AGBL1: variants seen among roughly 807,000 people sequenced by gnomAD.
The protein encoded by AGBL1 is AGBL carboxypeptidase 1.
Under a neutral mutation model 118.9 loss-of-function variants are expected in AGBL1, and 130 were observed. The observed-to-expected ratio is 1.09, with a 90% CI of 0.95 to 1.26. The LOEUF is 1.26. AGBL1 is among the 50% of genes most tolerant of loss of function. The probability of loss-of-function intolerance (pLI) is 0.00; values close to 1 mark genes in which losing one functional copy is unlikely to be tolerated. For missense variants in AGBL1, 1,584 were observed against 1,298.1 expected (o/e 1.22, Z -3.38); for synonymous variants, 555 against 478.9 (o/e 1.16, Z -2.08).
chr15:86,839,946 T>C (rs1217998551), intron 22 of AGBL1, among the ~76,000 whole-genome samples: 1 of 152,230 alleles, frequency 6.6e-6, no homozygotes, highest in South Asian at 2.1e-4. Context: ...TTTATGCATA[T>C]CTACCTTTCC....
At chr15:86,360,147 C>T (rs1052482657) in intron 17 of AGBL1, among the ~76,000 whole-genome samples, 2 of 151,778 alleles carry the variant, frequency 1.3e-5, no homozygotes, top group African/African-American at 4.8e-5. Context: ...TTTGGCTTTC[C>T]CTATTGATTA....
intron 22 of AGBL1, among the ~76,000 whole-genome samples, chr15:86,850,582 C>T (rs946719404): frequency 1.3e-5 from 2 of 152,158 alleles, no homozygotes; most frequent in Admixed American, 6.5e-5. Flanking sequence ...TTCCTCCCAC[C>T]CTCATTTCCT....
chr15:86,239,401 G>A lies in AGBL1; in HGVS notation c.527-8270G>A, dbSNP rs139011453. On this transcript the variant is annotated intron_variant, in intron 6 of 22. Coordinates refer to ENST00000614907, the MANE Select transcript of AGBL1 (RefSeq NM_001386094.1). ...TCAAGTATAATTTCCATTATGGATGGCATTAGGTTTCCTTATGCTTTTGTA... is the reference window on the plus strand; with the variant it reads ...TCAAGTATAATTTCCATTATGGATGACATTAGGTTTCCTTATGCTTTTGTA... 8.0e-3 allele frequency among the ~76,000 whole-genome samples: 1,217 copies of A among 152,176 alleles called. 11 individuals carry two copies. Among genetic ancestry groups the A allele is most frequent in the Middle Eastern group, 0.014 (4 of 294 alleles).
chr15:87,011,712 T>C (rs1437683092), intron 24 of AGBL1, among the ~76,000 whole-genome samples: 1 of 152,202 alleles, frequency 6.6e-6, no homozygotes, highest in Non-Finnish European at 1.5e-5. Flanking sequence ...GTTTATTTTG[T>C]AGTCAACAAA....
chr15:86,089,946 T>C (rs1056817823), intron 1 of AGBL1, among the ~76,000 whole-genome samples: 2 of 152,190 alleles, frequency 1.3e-5, no homozygotes, highest in East Asian at 1.9e-4. Context: ...GAGGTTAAGA[T>C]GATAATATTT....
chr15:86,965,828 G>T (rs2081046212), intron 23 of AGBL1, among the ~76,000 whole-genome samples: 1 of 152,040 alleles, frequency 6.6e-6, no homozygotes, highest in Non-Finnish European at 1.5e-5. Context: ...CACAGGGAGG[G>T]AACATCACAC....
intron 16 of AGBL1, among the ~76,000 whole-genome samples, chr15:86,285,027 G>A (rs1442939482): frequency 1.3e-5 from 2 of 152,102 alleles, no homozygotes; most frequent in African/African-American, 4.8e-5. Context: ...GTTGGCACAT[G>A]CATTCAGAGG....
At chr15:87,016,757 AG>A (rs1268057849) in intron 24 of AGBL1, among the ~76,000 whole-genome samples, 1 of 152,138 alleles carries the variant, frequency 6.6e-6, no homozygotes, top group Non-Finnish European at 1.5e-5. Context: ...CACCACCCCC[AG>A]CCAAGGGAAG....
intron 1 of AGBL1, among the ~76,000 whole-genome samples, chr15:86,099,197 C>T (rs1052107786): frequency 6.6e-6 from 1 of 151,916 alleles, no homozygotes; most frequent in Non-Finnish European, 1.5e-5. Flanking sequence ...GCAAAACAAA[C>T]CCAGAATGAG....
At chr15:86,610,714 C>A (rs2084643684) in intron 21 of AGBL1, among the ~76,000 whole-genome samples, 1 of 152,290 alleles carries the variant, frequency 6.6e-6, no homozygotes, top group Middle Eastern at 3.4e-3. Context: ...TGAGACGTTC[C>A]AAGGTAGGTC....
intron 1 of AGBL1, among the ~76,000 whole-genome samples, chr15:86,131,397 AG>A (rs1253117438): frequency 6.6e-6 from 1 of 152,186 alleles, no homozygotes; most frequent in African/African-American, 2.4e-5. Flanking sequence ...ACAGTCAAAA[AG>A]TTTCCACTAA....
chr15:86,438,062 T>C (rs866172574), intron 18 of AGBL1, among the ~76,000 whole-genome samples: 1 of 152,054 alleles, frequency 6.6e-6, no homozygotes, highest in African/African-American at 2.4e-5. Flanking sequence ...CGTGCCACCA[T>C]GCCCAACTAA....
chr15:86,565,914 G>T (rs926335895), intron 21 of AGBL1, among the ~76,000 whole-genome samples: 2 of 152,254 alleles, frequency 1.3e-5, no homozygotes, highest in African/African-American at 4.8e-5. Flanking sequence ...CTCCATGGGC[G>T]TGGGACCCTC....
intron 17 of AGBL1, among the ~76,000 whole-genome samples, chr15:86,318,696 A>ATTTTTTTTTTTTTTTTTTTTTTTTTT: frequency 1.2e-5 from 1 of 81,950 alleles, no homozygotes; most frequent in Non-Finnish European, 2.3e-5. Context: ...TTGATCATAG[A>ATTTTTTTTTTTTTTTTTTTTTTTTTT]TTTTTTTTTT....
At chr15:86,869,502 C>T (rs987663186) in intron 22 of AGBL1, among the ~76,000 whole-genome samples, 1 of 152,122 alleles carries the variant, frequency 6.6e-6, no homozygotes, top group Non-Finnish European at 1.5e-5. Context: ...CACTAGTGTT[C>T]AACTTCCTTA....
At chr15:86,363,975 C>T (rs559418110) in intron 17 of AGBL1, among the ~76,000 whole-genome samples, 60 of 152,226 alleles carry the variant, frequency 3.9e-4, no homozygotes, top group African/African-American at 1.4e-3. Context: ...TTATATTCTA[C>T]CTATAATTTC....
chr15:86,538,235 A>G (rs2083451539), intron 19 of AGBL1, among the ~76,000 whole-genome samples: 1 of 152,208 alleles, frequency 6.6e-6, no homozygotes, highest in Non-Finnish European at 1.5e-5. Flanking sequence ...TTGGCCCATG[A>G]TGACCCAATT....
intron 24 of AGBL1, among the ~76,000 whole-genome samples, chr15:87,027,808 C>T (rs1011192634): frequency 6.6e-6 from 1 of 151,944 alleles, no homozygotes; most frequent in African/African-American, 2.4e-5. Context: ...CATGTGTTCT[C>T]ACTTACAAGT....
At chr15:86,579,040 T>C (rs2084137726) in intron 21 of AGBL1, among the ~76,000 whole-genome samples, 1 of 152,152 alleles carries the variant, frequency 6.6e-6, no homozygotes, top group African/African-American at 2.4e-5. Context: ...GCCTAGGGTA[T>C]AACAAAAGAC....
Sources: allele counts gnomAD v4.1 joint callset (sites outside exome capture counted in the v4.1 genomes callset), GRCh38; gene constraint gnomAD v4.1.1; transcripts MANE v1.5; gene names NCBI Gene and HGNC (gene_info 2026-07-23, HGNC 2026-07-21).